NUP210L: variants seen among roughly 807,000 people sequenced by gnomAD.
NUP210L encodes nucleoporin 210 like, also known as nuclear pore membrane glycoprotein 210-like.
In NUP210L, 74 loss-of-function variants were observed where a neutral mutation model predicts 208.5. The observed-to-expected ratio is 0.35, with a 90% CI of 0.29 to 0.43. NUP210L has a LOEUF of 0.43. Ranked by LOEUF, NUP210L falls within the 20% of genes least tolerant of loss-of-function variation. The pLI is 1.00. For missense variants in NUP210L, 1,843 were observed against 2,289.4 expected, an observed-to-expected ratio of 0.81 and a Z score of 3.98; for synonymous variants, 780 against 816.9, an observed-to-expected ratio of 0.95 and a Z score of 0.77.
chr1:154,091,501 C>CTTTTTTTTTTTTTTTTTTTTTT (rs772608860), intron 15 of NUP210L, among the ~76,000 whole-genome samples: 1 of 124,636 alleles, frequency 8.0e-6, no homozygotes, highest in Admixed American at 8.0e-5. Flanking sequence ...CTTTTCTTTT[C>CTTTTTTTTTTTTTTTTTTTTTT]TTTTTTTTTT....
intron 35 of NUP210L, among the ~76,000 whole-genome samples, chr1:154,006,560 C>G (rs1650533804): frequency 6.6e-6 from 1 of 151,784 alleles, no homozygotes; most frequent in South Asian, 2.1e-4. Flanking sequence ...GTGGCACGAT[C>G]TCGGCTCACT....
chr1:154,133,529 T>A (rs1265992874), intron 7 of NUP210L, among the ~76,000 whole-genome samples: 1 of 137,786 alleles, frequency 7.3e-6, no homozygotes, highest in African/African-American at 2.8e-5. Context: ...AGAGTGAGAC[T>A]CTATCTCTAA....
intron 17 of NUP210L, among the ~76,000 whole-genome samples, chr1:154,066,154 A>G (rs940381352): frequency 2.0e-5 from 3 of 152,188 alleles, no homozygotes; most frequent in African/African-American, 7.2e-5. Context: ...ATAGCACTAA[A>G]TACCCACAAG....
intron 17 of NUP210L, among the ~76,000 whole-genome samples, chr1:154,067,959 T>C (rs1184419018): frequency 1.3e-5 from 2 of 152,102 alleles, no homozygotes; most frequent in Non-Finnish European, 2.9e-5. Flanking sequence ...CACAAACAAA[T>C]GGAAGAACAT....
intron 4 of NUP210L, 129 bp downstream of exon 4, chr1:154,141,301 AT>A (rs1658842696): frequency 1.5e-6 from 1 of 650,388 alleles, no homozygotes; most frequent in Non-Finnish European, 2.8e-6. Flanking sequence ...TCTCTCAGTA[AT>A]TTATCAGTTT....
intron 17 of NUP210L, 108 bp downstream of exon 17, chr1:154,070,165 C>G (rs1486148666): frequency 2.2e-5 from 18 of 826,032 alleles, no homozygotes; most frequent in Admixed American, 5.0e-5. Flanking sequence ...CAAACCTGCA[C>G]GTTGTGCACA....
At chr1:154,031,066 A>G (rs1278813707) in intron 27 of NUP210L, among the ~76,000 whole-genome samples, 1 of 151,960 alleles carries the variant, frequency 6.6e-6, no homozygotes, top group Non-Finnish European at 1.5e-5. Flanking sequence ...CCTTTCTGTT[A>G]CAGACACAAT....
rs1281811554 is a variant in NUP210L, at chr1:154,143,493, A to G, written c.425T>C (p.Val142Ala). The G allele has an allele frequency of 1.4e-5, 22 of 1,613,990 alleles. No individual in the cohort carries two copies. Among genetic ancestry groups the G allele is most frequent in the Non-Finnish European group, 1.9e-5 (22 of 1,179,924 alleles). Residue 142 changes from valine to alanine, a missense_variant, in exon 3 of 40, where the codon GTA becomes GCA. Around this residue, in one of 5 missense-constraint regions of NUP210L, gnomAD observed 542 missense variants for 606.4 expected, o/e 0.89. Transcript: ENST00000368559. ...CATCAGTTCCAGTGGCGAATCATCT[A>G]CATAAAGTTCCCGGGCCCGAGATAC...
exon 28 of NUP210L, chr1:154,029,997 C>T: frequency 6.2e-7 from 1 of 1,611,524 alleles, no homozygotes; most frequent in Non-Finnish European, 8.5e-7. Context: ...GTCCTGCCTG[C>T]TGCTTTTGTA....
At chr1:154,025,150 G>A (rs1304915367) in intron 30 of NUP210L, among the ~76,000 whole-genome samples, 5 of 149,106 alleles carry the variant, frequency 3.4e-5, no homozygotes, top group Admixed American at 1.3e-4. Flanking sequence ...GGATGGTCTC[G>A]ATCTCCTGAC....
At chr1:154,080,638 T>C (rs1439485083) in intron 16 of NUP210L, among the ~76,000 whole-genome samples, 1 of 151,740 alleles carries the variant, frequency 6.6e-6, no homozygotes, top group African/African-American at 2.4e-5. Flanking sequence ...GGAGCAGAGA[T>C]GGCACCACTG....
intron 2 of NUP210L, among the ~76,000 whole-genome samples, chr1:154,149,087 C>CTCTTTTTTTTTTTTTT (rs1553244118): frequency 8.4e-6 from 1 of 119,362 alleles, no homozygotes; most frequent in African/African-American, 3.1e-5. Flanking sequence ...GAAAACTTCT[C>CTCTTTTTTTTTTTTTT]TTTTTTTTTT....
At chr1:154,017,957 TAG>T (rs1490719243) in intron 33 of NUP210L, among the ~76,000 whole-genome samples, 1 of 151,782 alleles carries the variant, frequency 6.6e-6, no homozygotes, top group African/African-American at 2.4e-5. Context: ...ACTTAGTACT[TAG>T]GTCTTTTTTC....
chr1:154,009,972 C>T (rs955696952), exon 35 of NUP210L: 5 of 1,605,786 alleles, frequency 3.1e-6, no homozygotes, highest in African/African-American at 1.3e-5. Context: ...TGTAACTTAC[C>T]TTTCTCCATA....
intron 32 of NUP210L, 90 bp downstream of exon 32, chr1:154,022,036 A>G: frequency 1.7e-6 from 2 of 1,188,088 alleles, no homozygotes; most frequent in Non-Finnish European, 2.5e-6. Flanking sequence ...TACCAGTCCA[A>G]GGGATTAATA....
Position 154,117,901 on chromosome 1 carries a change from T to G in NUP210L, c.1465-21A>C, listed in dbSNP as rs376847131. 7.1e-6 allele frequency: 11 copies of G among 1,549,762 alleles called. No individual in the cohort carries two copies. The African/African-American group carries it at 1.5e-4, about 21-fold the overall frequency. ...TCTACCTGTGAAAACACACATTACA[T>G]TTAATTACAATCGGAAGAAAATAAA... is the stretch of plus-strand genomic sequence containing the variant. On this transcript the variant is annotated intron_variant, in intron 11 of 39. Transcript: ENST00000368559.
At chr1:154,153,643 A>G (rs1303379414) in intron 1 of NUP210L, among the ~76,000 whole-genome samples, 1 of 151,856 alleles carries the variant, frequency 6.6e-6, no homozygotes, top group African/African-American at 2.4e-5. Flanking sequence ...ACGGGGTCTC[A>G]CTATGTTGAT....
At chr1:154,072,815 A>C (rs1228355727) in intron 16 of NUP210L, among the ~76,000 whole-genome samples, 1 of 152,238 alleles carries the variant, frequency 6.6e-6, no homozygotes, top group African/African-American at 2.4e-5. Flanking sequence ...AACTATAAAA[A>C]TTCTAGAAGA....
chr1:154,076,290 G>A (rs1190217780), intron 16 of NUP210L, among the ~76,000 whole-genome samples: 1 of 151,542 alleles, frequency 6.6e-6, no homozygotes, highest in Non-Finnish European at 1.5e-5. Context: ...TTTTAGTAGA[G>A]ACAGGGTTTC....
Sources: allele counts gnomAD v4.1 joint callset (sites outside exome capture counted in the v4.1 genomes callset), GRCh38; gene constraint gnomAD v4.1.1; regional missense constraint gnomAD v4.1.1; transcripts MANE v1.5; gene names NCBI Gene and HGNC (gene_info 2026-07-23, HGNC 2026-07-21).